The following CNTN5 variants were observed in gnomAD, a reference collection of about 807,000 sequenced individuals.
CNTN5 encodes contactin 5, also known as contactin-5.
A neutral mutation model predicts 129.1 loss-of-function variants in CNTN5; 77 were observed. That is an observed-to-expected ratio of 0.60 (90% confidence interval 0.50 to 0.72). CNTN5 has a LOEUF of 0.72. Ranked by LOEUF, CNTN5 falls within the 30% of genes least tolerant of loss-of-function variation. The pLI, the probability that CNTN5 is intolerant of heterozygous loss-of-function variation, is 0.00. For missense variants in CNTN5, 1,478 were observed against 1,328.8 expected (o/e 1.11, Z -1.75); for synonymous variants, 509 against 465.6 (o/e 1.09, Z -1.20).
chr11:99,487,604 T>C (rs555368251), intron 2 of CNTN5, among the ~76,000 whole-genome samples: 132 of 152,348 alleles, frequency 8.7e-4, no homozygotes, highest in African/African-American at 2.8e-3. Context: ...TATTTCCTTA[T>C]GTTGTGTTTC....
chr11:99,345,067 T>G (rs1016670617), intron 2 of CNTN5, among the ~76,000 whole-genome samples: 2 of 152,178 alleles, frequency 1.3e-5, no homozygotes, highest in African/African-American at 2.4e-5. Flanking sequence ...GGCCAATATT[T>G]GAATTACTCC....
At chr11:99,439,707 C>CA (rs376871051) in intron 2 of CNTN5, among the ~76,000 whole-genome samples, 20,680 of 95,388 alleles carry the variant, frequency 0.22, 2,577 homozygotes, top group Middle Eastern at 0.31. Context: ...GACTCTGTCT[C>CA]AAAAAAAAAA....
intron 1 of CNTN5, among the ~76,000 whole-genome samples, chr11:99,174,473 C>A (rs925643744): frequency 6.6e-6 from 1 of 152,152 alleles, no homozygotes; most frequent in Non-Finnish European, 1.5e-5. Flanking sequence ...TTCTTCCTAG[C>A]CTTTCAGAGT....
Position 99,145,622 on chromosome 11 carries a change from A to T in CNTN5, c.-210+124352A>T, listed in dbSNP as rs112241575. Among the ~76,000 whole-genome samples the T allele has an allele frequency of 1.6e-4, 24 of 152,204 alleles. 1 individual carries two copies. The highest frequency in any genetic ancestry group is 5.1e-4 in the African/African-American group (21 of 41,530). On this transcript the variant is annotated intron_variant, in intron 1 of 24. Transcript: ENST00000524871. ...GTTGCATCTAGTTTTAAATATTTAGAGTATCTTATTTTATTCTATTTATCT... is the reference window on the plus strand; with the variant it reads ...GTTGCATCTAGTTTTAAATATTTAGTGTATCTTATTTTATTCTATTTATCT...
At chr11:99,641,728 C>A (rs1319053740) in intron 3 of CNTN5, among the ~76,000 whole-genome samples, 7 of 152,126 alleles carry the variant, frequency 4.6e-5, no homozygotes, top group African/African-American at 1.7e-4. Context: ...AGAGGTGGAA[C>A]CAAACCTCAA....
chr11:99,361,400 G>A lies in CNTN5; in HGVS notation c.-71+35916G>A, dbSNP rs142081319. 4.3e-4 allele frequency among the ~76,000 whole-genome samples: 65 copies of A among 152,194 alleles called. No individual in the cohort carries two copies. In the East Asian group the frequency reaches 5.0e-3, roughly 12 times the overall value. On this transcript the variant is annotated intron_variant, in intron 2 of 24. Coordinates refer to ENST00000524871, the MANE Select transcript of CNTN5 (RefSeq NM_014361.4). ...GAGTTAGACACCTAACATAGTATCT[G>A]GGACTAATATTGTATTTAATAAATA... is the stretch of plus-strand genomic sequence containing the variant.
chr11:99,415,959 C>G (rs1051968560), intron 2 of CNTN5, among the ~76,000 whole-genome samples: 8 of 152,018 alleles, frequency 5.3e-5, no homozygotes, highest in Admixed American at 1.3e-4. Context: ...TTTCAAAAAC[C>G]TAAGTTAAGT....
intron 13 of CNTN5, among the ~76,000 whole-genome samples, chr11:100,101,020 T>C (rs1247571716): frequency 1.3e-5 from 2 of 152,054 alleles, no homozygotes; most frequent in African/African-American, 2.4e-5. Context: ...TAATGAGAGA[T>C]GGGTCTTGGT....
chr11:99,494,326 G>T (rs926764804), intron 2 of CNTN5, among the ~76,000 whole-genome samples: 24 of 152,172 alleles, frequency 1.6e-4, no homozygotes, highest in East Asian at 9.7e-4. Flanking sequence ...TTCTCACCAG[G>T]CTATATTAAG....
intron 6 of CNTN5, among the ~76,000 whole-genome samples, chr11:99,881,659 G>A (rs1948775766): frequency 6.6e-6 from 1 of 152,128 alleles, no homozygotes; most frequent in African/African-American, 2.4e-5. Context: ...AATAAAGGGG[G>A]GGAGCTGGCT....
chr11:99,872,388 T>G (rs544820099), intron 6 of CNTN5, among the ~76,000 whole-genome samples: 1 of 152,216 alleles, frequency 6.6e-6, no homozygotes, highest in African/African-American at 2.4e-5. Flanking sequence ...AACACAATAT[T>G]TAATGAAAAT....
chr11:100,236,983 A>T (rs1309844559), intron 16 of CNTN5, among the ~76,000 whole-genome samples: 2 of 152,054 alleles, frequency 1.3e-5, no homozygotes, highest in East Asian at 3.9e-4. Flanking sequence ...AGGTCAGAAG[A>T]TGGAGACAAT....
chr11:99,931,887 A>T (rs540234146), intron 7 of CNTN5, among the ~76,000 whole-genome samples: 5 of 152,314 alleles, frequency 3.3e-5, no homozygotes, highest in African/African-American at 7.2e-5. Flanking sequence ...AATTCCAGAG[A>T]GTATCTAAGC....
At chr11:99,945,156 A>C (rs1284715675) in intron 7 of CNTN5, among the ~76,000 whole-genome samples, 1 of 152,126 alleles carries the variant, frequency 6.6e-6, no homozygotes, top group Non-Finnish European at 1.5e-5. Flanking sequence ...GTTCCATATC[A>C]GAGAGCCATT....
chr11:99,329,362 A>G (rs1394652761), intron 2 of CNTN5, among the ~76,000 whole-genome samples: 6 of 152,194 alleles, frequency 3.9e-5, no homozygotes, highest in Non-Finnish European at 8.8e-5. Context: ...AGCAAATGTT[A>G]ACATTTATTT....
At chr11:100,187,927 A>T (rs1411138315) in intron 13 of CNTN5, among the ~76,000 whole-genome samples, 1 of 152,188 alleles carries the variant, frequency 6.6e-6, no homozygotes, top group African/African-American at 2.4e-5. Flanking sequence ...ACAGCAAAAA[A>T]CATTGACAAG....
chr11:99,391,501 G>T (rs1392224690), intron 2 of CNTN5, among the ~76,000 whole-genome samples: 1 of 152,114 alleles, frequency 6.6e-6, no homozygotes, highest in Non-Finnish European at 1.5e-5. Context: ...CATCACATAT[G>T]TGGACACACA....
chr11:99,737,579 G>A (rs1374776505), intron 3 of CNTN5, among the ~76,000 whole-genome samples: 2 of 152,048 alleles, frequency 1.3e-5, no homozygotes, highest in African/African-American at 2.4e-5. Context: ...CATAGGGAAA[G>A]CACTGAAAAA....
In CNTN5 at chr11:99,684,705, T is replaced by A. The variant is rs137954709; in HGVS notation, c.55+128436T>A. 2.5e-3 allele frequency among the ~76,000 whole-genome samples: 377 copies of A among 152,004 alleles called. 7 individuals are homozygous for A. The highest frequency in any genetic ancestry group is 8.6e-3 in the African/African-American group (357 of 41,522). On this transcript the variant is annotated intron_variant, in intron 3 of 24. Transcript: ENST00000524871. ...TTTTTGTTAGCTTAGTGTTTTATTC[T>A]AGAAATTTGTCCATTTCAAATAATT...
Sources: gnomAD v4.1 joint callset for allele counts (sites outside exome capture counted in the v4.1 genomes callset) on GRCh38, gnomAD v4.1.1 for gene constraint, MANE v1.5 for transcripts, NCBI Gene and HGNC (gene_info 2026-07-23, HGNC 2026-07-21) for gene names.